The following MIGA1 variants were observed in gnomAD, a reference collection of about 807,000 sequenced individuals.
MIGA1 encodes mitoguardin 1.
In MIGA1, 58 loss-of-function variants were observed where a neutral mutation model predicts 82.0. The observed-to-expected ratio is 0.71, with a 90% confidence interval of 0.57 to 0.88. MIGA1 has a LOEUF of 0.88. MIGA1 is among the 40% of genes least tolerant of loss of function. The pLI is 0.00. For synonymous variants in MIGA1, 249 were observed against 253.6 expected, an observed-to-expected ratio of 0.98 and a Z score of 0.17; for missense variants, 751 against 749.1, an observed-to-expected ratio of 1.00 and a Z score of -0.03.
At chr1:77,853,890 T>A in intron 8 of MIGA1, 1 of 258,468 alleles carries the variant, frequency 3.9e-6, no homozygotes, top group South Asian at 5.3e-5. Flanking sequence ...ACCAGGATTA[T>A]CTCTTATTTT....
intron 7 of MIGA1, among the ~76,000 whole-genome samples, chr1:77,831,025 G>C (rs914293537): frequency 1.3e-5 from 2 of 152,138 alleles, no homozygotes; most frequent in African/African-American, 4.8e-5. Context: ...ATTAGACTCA[G>C]AGCCTAACCT....
At chr1:77,787,682 G>C (rs918281061) in intron 2 of MIGA1, among the ~76,000 whole-genome samples, 4 of 152,052 alleles carry the variant, frequency 2.6e-5, no homozygotes, top group African/African-American at 9.7e-5. Context: ...AGCCACTTGT[G>C]CCTGGCCCCT....
At chr1:77,823,846 C>G (rs1031850927) in intron 7 of MIGA1, among the ~76,000 whole-genome samples, 6 of 152,188 alleles carry the variant, frequency 3.9e-5, no homozygotes, top group African/African-American at 7.2e-5. Context: ...CTGTTGAATT[C>G]TAAACTCTGT....
chr1:77,803,689 G>A (rs1024484570), intron 4 of MIGA1, among the ~76,000 whole-genome samples: 1 of 152,124 alleles, frequency 6.6e-6, no homozygotes, highest in Non-Finnish European at 1.5e-5. Flanking sequence ...TCACTTATTT[G>A]TGGGAGCTAA....
chr1:77,863,752 T>C, intron 12 of MIGA1, 142 bp from the exon 13 acceptor site: 1 of 586,710 alleles, frequency 1.7e-6, no homozygotes, highest in Non-Finnish European at 2.8e-6. Context: ...AGCTTTCATA[T>C]TTATCTCTCC....
At chr1:77,790,690 G>A (rs1400232064) in intron 2 of MIGA1, among the ~76,000 whole-genome samples, 3 of 151,542 alleles carry the variant, frequency 2.0e-5, no homozygotes, top group African/African-American at 4.9e-5. Context: ...AGGTTCAAGC[G>A]ATTCTCCTGC....
intron 7 of MIGA1, among the ~76,000 whole-genome samples, chr1:77,837,334 G>A (rs957457943): frequency 3.9e-5 from 6 of 152,146 alleles, no homozygotes; most frequent in African/African-American, 1.4e-4. Context: ...CATTTCATGT[G>A]TTTAATAGAC....
chr1:77,821,567 G>A (rs1683809911), intron 7 of MIGA1, among the ~76,000 whole-genome samples: 1 of 151,824 alleles, frequency 6.6e-6, no homozygotes, highest in South Asian at 2.1e-4. Context: ...GGCTAATTTT[G>A]TATTTTTAGT....
intron 8 of MIGA1, among the ~76,000 whole-genome samples, chr1:77,852,870 T>C (rs1399481070): frequency 8.5e-5 from 13 of 152,152 alleles, no homozygotes; most frequent in Non-Finnish European, 1.5e-5. Context: ...TTTGAATTTT[T>C]AGTAGAGGCG....
In MIGA1 at chr1:77,859,998, A is replaced by G. The variant is rs185070334; in HGVS notation, c.1189-42A>G. ...TTAAGTTGAATGTCCATTCACATTC[A>G]TTATAGGTCTCTTTTTTCTTTGGGG... On this transcript the variant is annotated intron_variant, in intron 10 of 15. Transcript: ENST00000370791. 395 of 1,310,504 alleles carry G rather than the reference A, an allele frequency of 3.0e-4. 1 individual carries two copies. Among genetic ancestry groups the G allele is most frequent in the Admixed American group, 1.0e-3 (57 of 55,148 alleles). The allele number at this position is 1,310,504 out of a possible 1,614,324, so 81.2% of individuals were successfully genotyped here. A position where few individuals can be genotyped will look rare whatever the true frequency, so the allele number is the denominator to read the frequency against.
At chr1:77,791,260 A>C (rs544656377) in intron 2 of MIGA1, among the ~76,000 whole-genome samples, 32 of 146,056 alleles carry the variant, frequency 2.2e-4, no homozygotes, top group Admixed American at 3.3e-4. Context: ...AAAAAAAAAA[A>C]AAAAACAAAA....
At chr1:77,801,025 C>G (rs1682860279) in intron 2 of MIGA1, among the ~76,000 whole-genome samples, 1 of 152,102 alleles carries the variant, frequency 6.6e-6, no homozygotes, top group South Asian at 2.1e-4. Flanking sequence ...ACAGAAGATT[C>G]AGTTGCGTGA....
At chr1:77,791,924 T>C (rs1216612957) in intron 2 of MIGA1, among the ~76,000 whole-genome samples, 1 of 152,208 alleles carries the variant, frequency 6.6e-6, no homozygotes, top group African/African-American at 2.4e-5. Flanking sequence ...TTTACATTAC[T>C]ACCATCAAAG....
chr1:77,849,293 A>C (rs1447764198), intron 8 of MIGA1, among the ~76,000 whole-genome samples: 2 of 152,146 alleles, frequency 1.3e-5, no homozygotes, highest in African/African-American at 4.8e-5. Context: ...GCTGTTCGAG[A>C]GGCTGAGGCA....
chr1:77,830,445 C>T (rs1354913363), intron 7 of MIGA1, among the ~76,000 whole-genome samples: 1 of 152,094 alleles, frequency 6.6e-6, no homozygotes, highest in Non-Finnish European at 1.5e-5. Flanking sequence ...CTCTTGTGAA[C>T]TCTTATTAGT....
intron 2 of MIGA1, among the ~76,000 whole-genome samples, chr1:77,788,339 A>G (rs1216091838): frequency 1.3e-5 from 2 of 152,014 alleles, no homozygotes; most frequent in African/African-American, 2.4e-5. Context: ...GGGTTTCACT[A>G]TGTTGGCTAG....
intron 4 of MIGA1, among the ~76,000 whole-genome samples, chr1:77,805,240 C>T (rs1319143987): frequency 6.6e-6 from 1 of 152,046 alleles, no homozygotes; most frequent in East Asian, 1.9e-4. Flanking sequence ...CGTGATTCAC[C>T]TGCCTCAGCC....
At chr1:77,852,035 C>A (rs1685075507) in intron 8 of MIGA1, among the ~76,000 whole-genome samples, 1 of 152,036 alleles carries the variant, frequency 6.6e-6, no homozygotes, top group African/African-American at 2.4e-5. Context: ...CAGGCATGTG[C>A]CACCATACCC....
At position 77,878,723 on chromosome 1, in the gene MIGA1, T is replaced by C. The variant is rs1364447092; in HGVS notation, c.*3659T>C. On this transcript the variant is annotated 3_prime_UTR_variant, in exon 16 of 16. Coordinates refer to ENST00000370791, the MANE Select transcript of MIGA1 (RefSeq NM_198549.4). ...TTGTATTTTAATTTCCCTACATTTT[T>C]GTTCAACTAAGAGTGCTTATTTCTT... The C allele has an allele frequency of 5.3e-6, 2 of 380,144 alleles. No homozygotes were observed. The highest frequency in any genetic ancestry group is 7.3e-5 in the East Asian group (2 of 27,284). The allele number at this position is 380,144 out of a possible 1,614,324, so 23.5% of individuals were successfully genotyped here. A position where few individuals can be genotyped will look rare whatever the true frequency, so the allele number is the denominator to read the frequency against.
Sources: allele counts gnomAD v4.1 joint callset (sites outside exome capture counted in the v4.1 genomes callset), GRCh38; gene constraint gnomAD v4.1.1; transcripts MANE v1.5; gene names NCBI Gene and HGNC (gene_info 2026-07-23, HGNC 2026-07-21).